The following CACNA1I variants were observed in gnomAD, a reference collection of about 807,000 sequenced individuals.
CACNA1I encodes voltage-dependent T-type calcium channel subunit alpha-1I.
Under a neutral mutation model 201.6 loss-of-function variants are expected in CACNA1I, and 74 were observed. The observed-to-expected ratio is 0.37, with a 90% CI of 0.30 to 0.45. CACNA1I has a LOEUF of 0.45. CACNA1I is among the 20% of genes least tolerant of loss of function. The pLI, the probability that CACNA1I is intolerant of heterozygous loss-of-function variation, is 1.00. For missense variants in CACNA1I, 2,346 were observed against 3,138.1 expected, an observed-to-expected ratio of 0.75 and a Z score of 6.03; for synonymous variants, 1,431 against 1,345.2, an observed-to-expected ratio of 1.06 and a Z score of -1.40.
At chr22:39,652,273 G>A (rs1934675129) in intron 10 of CACNA1I, among the ~76,000 whole-genome samples, 1 of 152,210 alleles carries the variant, frequency 6.6e-6, no homozygotes, top group African/African-American at 2.4e-5. Flanking sequence ...TGGGATTACA[G>A]GCATGAGCCA....
At position 39,659,667 on chromosome 22, in the gene CACNA1I, A is replaced by G. The variant is rs377268903; in HGVS notation, c.2449-30A>G. ...TAGAGCCTAGCCCTGGACTAGGGGT[A>G]CCCCAGGGCTAACTGTGTCTCCCCA... On this transcript the variant is annotated intron_variant, in intron 13 of 36. Coordinates refer to ENST00000402142, the MANE Select transcript of CACNA1I (RefSeq NM_021096.4). The surrounding 1 kb of genome is among the most constrained non-coding windows in gnomAD (Gnocchi z 4.3). 1.5e-5 allele frequency: 25 copies of G among 1,613,016 alleles called. No homozygotes were observed. Among genetic ancestry groups the G allele is most frequent in the Non-Finnish European group, 2.1e-5 (25 of 1,179,306 alleles).
intron 7 of CACNA1I, among the ~76,000 whole-genome samples, chr22:39,645,550 A>T (rs1934464058): frequency 6.6e-6 from 1 of 152,126 alleles, no homozygotes; most frequent in Non-Finnish European, 1.5e-5. Context: ...CAAGGATGGG[A>T]TGCCATCTTC....
intron 4 of CACNA1I, among the ~76,000 whole-genome samples, chr22:39,624,984 C>A (rs1248351949): frequency 6.9e-6 from 1 of 145,820 alleles, no homozygotes; most frequent in Admixed American, 7.0e-5. Flanking sequence ...TCTTGGCTCA[C>A]TGCAACCTCC....
Position 39,658,291 on chromosome 22 carries a change from T to C in CACNA1I, c.2132T>C (p.Ile711Thr), listed in dbSNP as rs1934889959. 1.2e-6 allele frequency: 2 copies of C among 1,613,858 alleles called. No individual in the cohort carries two copies. Among genetic ancestry groups the C allele is most frequent in the Non-Finnish European group, 1.7e-6 (2 of 1,179,812 alleles). ...CCCTACAACATCTTCGACAGCATCA[T>C]TGTCATCATCAGGTACCCCTCCCCC... is the stretch of plus-strand genomic sequence containing the variant. ...RNPYNIFDSI[I>T]VIISIWEIVG... The change falls in exon 11 of 37, where the codon ATT becomes ACT. Residue 711 changes from isoleucine (I) to threonine (T), a missense_variant. Coordinates refer to ENST00000402142, the MANE Select transcript of CACNA1I (RefSeq NM_021096.4).
chr22:39,667,494 T>C (rs895770889), intron 23 of CACNA1I, among the ~76,000 whole-genome samples: 1 of 152,166 alleles, frequency 6.6e-6, no homozygotes, highest in African/African-American at 2.4e-5. Context: ...ATGGGACCCT[T>C]TGTGAACCTA....
chr22:39,672,539 C>T (rs1299878115), intron 27 of CACNA1I, among the ~76,000 whole-genome samples: 6 of 152,114 alleles, frequency 3.9e-5, no homozygotes, highest in Non-Finnish European at 7.4e-5. Context: ...ATCTTTGGTA[C>T]GTTGTCTCTA....
At chr22:39,657,104 C>T (rs1457053167) in intron 10 of CACNA1I, among the ~76,000 whole-genome samples, 2 of 152,222 alleles carry the variant, frequency 1.3e-5, no homozygotes, top group Non-Finnish European at 2.9e-5. Flanking sequence ...CAGGACCACA[C>T]AGCCACTTAA....
intron 10 of CACNA1I, among the ~76,000 whole-genome samples, chr22:39,653,552 T>C (rs1038068818): frequency 1.3e-5 from 2 of 151,456 alleles, no homozygotes; most frequent in Non-Finnish European, 2.9e-5. Flanking sequence ...GAGGAGAGGG[T>C]GGGTGAACTC....
In CACNA1I at chr22:39,677,377, T is replaced by C; in HGVS notation, c.4891T>C (p.Phe1631Leu). Reference protein sequence around the residue: ...NLGLLFMLLFFIYAALGVELF... With the variant: ...NLGLLFMLLFLIYAALGVELF... ...GGGCCTCCTCTTCATGCTGCTCTTC[T>C]TCATCTATGCTGCTCTCGGGGTGGA... The change falls in exon 30 of 37, where the codon TTC becomes CTC. Residue 1631 changes from phenylalanine to leucine, a missense_variant. Transcript: ENST00000402142. The surrounding 1 kb of genome is among the most constrained non-coding windows in gnomAD (Gnocchi z 4.8). The C allele has an allele frequency of 6.3e-7, 1 of 1,599,690 alleles. No individual in the cohort carries two copies. Among genetic ancestry groups the C allele is most frequent in the Non-Finnish European group, 8.5e-7 (1 of 1,175,346 alleles).
In CACNA1I at chr22:39,664,132, C is replaced by G. The variant is rs1368487635; in HGVS notation, c.3639C>G (p.Ala1213=). ...CCGTGTCCAACTACATCTTCACGGC[C>G]ATCTTCGTGGGCGAGATGACATTGA... is the stretch of plus-strand genomic sequence containing the variant. The part of the protein sequence containing the change: ...FLTVSNYIFT[A]IFVGEMTLKV... The change falls in exon 20 of 37, where the codon GCC becomes GCG. Residue 1213 remains alanine, a synonymous_variant. Coordinates refer to ENST00000402142, the MANE Select transcript of CACNA1I (RefSeq NM_021096.4). 1 of 1,613,698 alleles carries G rather than the reference C, an allele frequency of 6.2e-7. No homozygotes were observed. Among genetic ancestry groups the G allele is most frequent in the East Asian group, 2.2e-5 (1 of 44,850 alleles).
chr22:39,642,102 G>A (rs1450224074), intron 6 of CACNA1I, among the ~76,000 whole-genome samples: 1 of 152,172 alleles, frequency 6.6e-6, no homozygotes, highest in Non-Finnish European at 1.5e-5. Flanking sequence ...TGCCTCTGCT[G>A]CCCTGTGCTG....
At chr22:39,610,370 C>T (rs944996434) in intron 3 of CACNA1I, among the ~76,000 whole-genome samples, 2 of 152,084 alleles carry the variant, frequency 1.3e-5, no homozygotes, top group African/African-American at 4.8e-5. Flanking sequence ...GCTGAGCTGC[C>T]GTTGGGTGGG....
At chr22:39,635,963 G>A (rs1934207999) in intron 5 of CACNA1I, among the ~76,000 whole-genome samples, 1 of 151,590 alleles carries the variant, frequency 6.6e-6, no homozygotes, top group Non-Finnish European at 1.5e-5. Flanking sequence ...ATCTCCTGTC[G>A]GTTCATCCGA....
At position 39,649,613 on chromosome 22, in the gene CACNA1I, C is replaced by T. The variant is rs563094213; in HGVS notation, c.1680C>T (p.Asp560=). 39 of 1,535,670 alleles carry T rather than the reference C, an allele frequency of 2.5e-5. No individual in the cohort carries two copies. Among genetic ancestry groups the T allele is most frequent in the South Asian group, 2.1e-4 (17 of 81,396 alleles). The part of the protein sequence containing the change: ...PASCPCCQHE[D]GRRPSGLGST... ...GCTGCCCTTGCTGCCAGCATGAGGACGGCCGGCGGCCCTCGGGCCTGGGCA... is the reference window on the plus strand; with the variant it reads ...GCTGCCCTTGCTGCCAGCATGAGGATGGCCGGCGGCCCTCGGGCCTGGGCA... The change falls in exon 10 of 37, where the codon GAC becomes GAT. Residue 560 remains aspartate, a synonymous_variant. Coordinates refer to ENST00000402142, the MANE Select transcript of CACNA1I (RefSeq NM_021096.4). This position sits in a 1 kb window ranked among gnomAD's most constrained non-coding sequence, Gnocchi z 7.3.
At chr22:39,669,713 G>A (rs1438463803) in intron 24 of CACNA1I, among the ~76,000 whole-genome samples, 1 of 152,042 alleles carries the variant, frequency 6.6e-6, no homozygotes, top group Admixed American at 6.6e-5. Context: ...ATGGATGGGT[G>A]GGTGAGTGGG....
intron 24 of CACNA1I, among the ~76,000 whole-genome samples, chr22:39,668,756 T>A (rs1482639407): frequency 6.6e-6 from 1 of 151,458 alleles, no homozygotes; most frequent in South Asian, 2.1e-4. Context: ...GAATTGGGAG[T>A]TGGGAGCCAG....
Position 39,659,125 on chromosome 22 carries a change from GC to G in CACNA1I, c.2330+12del. On this transcript the variant is annotated intron_variant, in intron 12 of 36. Coordinates refer to ENST00000402142, the MANE Select transcript of CACNA1I (RefSeq NM_021096.4). This position sits in a 1 kb window ranked among gnomAD's most constrained non-coding sequence, Gnocchi z 4.3. ...TTCATCTTCATCTTCAGGTGAGCCT[GC>G]CCTGCTGGGGGCCATACCTCAGCAC... The G allele has an allele frequency of 1.2e-6, 2 of 1,611,422 alleles. No individual in the cohort carries two copies. Among genetic ancestry groups the G allele is most frequent in the Non-Finnish European group, 8.5e-7 (1 of 1,179,442 alleles).
intron 3 of CACNA1I, among the ~76,000 whole-genome samples, chr22:39,618,209 CTG>C (rs1159956073): frequency 5.1e-5 from 7 of 137,724 alleles, no homozygotes; most frequent in Admixed American, 7.3e-5. Context: ...GTGTGTGTGA[CTG>C]TGATGGTGTG....
intron 10 of CACNA1I, among the ~76,000 whole-genome samples, chr22:39,653,548 A>C (rs2146436287): frequency 6.6e-6 from 1 of 152,016 alleles, no homozygotes; most frequent in Admixed American, 6.5e-5. Flanking sequence ...AGAGGAGGAG[A>C]GGGTGGGTGA....
Sources: allele counts gnomAD v4.1 joint callset (sites outside exome capture counted in the v4.1 genomes callset), GRCh38; gene constraint gnomAD v4.1.1; non-coding constraint Gnocchi (gnomAD v3.1); transcripts MANE v1.5; gene names NCBI Gene and HGNC (gene_info 2026-07-23, HGNC 2026-07-21).